Variants in EFCAB11 observed in about 807,000 individuals in gnomAD.
EFCAB11 encodes the protein EF-hand calcium binding domain 11.
Under a neutral mutation model 23.0 loss-of-function variants are expected in EFCAB11, and 14 were observed. That is an observed-to-expected ratio of 0.61 (90% CI 0.40 to 0.95). The LOEUF (loss-of-function observed/expected upper bound fraction) is 0.95. Among genes scored for constraint, EFCAB11 ranks in the 40% least tolerant of loss-of-function variants. The pLI is 0.00. For synonymous variants in EFCAB11, 65 were observed against 66.6 expected (o/e 0.98, Z 0.11); for missense variants, 198 against 195.8 (o/e 1.01, Z -0.07).
intron 5 of EFCAB11, among the ~76,000 whole-genome samples, chr14:89,916,214 G>T (rs923668199): frequency 6.9e-5 from 10 of 143,988 alleles, no homozygotes; most frequent in African/African-American, 2.9e-4. Flanking sequence ...AGTTGTCTAT[G>T]AGAAGTACAT....
intron 5 of EFCAB11, among the ~76,000 whole-genome samples, chr14:89,860,319 G>T (rs747060403): frequency 6.6e-6 from 1 of 152,062 alleles, no homozygotes; most frequent in Non-Finnish European, 1.5e-5. Flanking sequence ...AGCCGAGATC[G>T]CACCATTGCA....
At chr14:89,938,048 G>T (rs1890651789) in intron 3 of EFCAB11, 1 of 152,096 alleles carries the variant, frequency 6.6e-6, no homozygotes, top group Admixed American at 6.6e-5. Context: ...ATTAAGTATA[G>T]TTTTTTGTGG....
intron 5 of EFCAB11, among the ~76,000 whole-genome samples, chr14:89,804,422 C>T (rs988813201): frequency 1.3e-5 from 2 of 152,222 alleles, no homozygotes; most frequent in Non-Finnish European, 2.9e-5. Context: ...CCAAGCTTTA[C>T]GTAGACAACT....
intron 5 of EFCAB11, among the ~76,000 whole-genome samples, chr14:89,922,909 T>C (rs534507288): frequency 5.3e-5 from 8 of 152,194 alleles, no homozygotes; most frequent in Non-Finnish European, 1.2e-4. Flanking sequence ...GGGCCGGCTT[T>C]CAAGATAAGA....
At chr14:89,888,901 T>A (rs1312013460) in intron 5 of EFCAB11, among the ~76,000 whole-genome samples, 1 of 152,208 alleles carries the variant, frequency 6.6e-6, no homozygotes, top group African/African-American at 2.4e-5. Context: ...TATAAAACCA[T>A]GGCGCTGTGA....
chr14:89,827,628 C>CTTT lies in EFCAB11; in HGVS notation c.411-30307_411-30305dup, dbSNP rs36007256. Among the ~76,000 whole-genome samples, 336 of 105,052 alleles carry CTTT rather than the reference C, an allele frequency of 3.2e-3. 1 individual carries two copies. Among genetic ancestry groups the CTTT allele is most frequent in the East Asian group, 7.7e-3 (22 of 2,860 alleles). 68.9% of individuals were successfully genotyped at this position (105,052 alleles called of 152,430 possible). A position where few individuals can be genotyped will look rare whatever the true frequency, so the allele number is the denominator to read the frequency against. On this transcript the variant is annotated intron_variant, in intron 5 of 5. Transcript: ENST00000316738. ...GTTTCATGAAGCAATTTTATTCACT[C>CTTT]TTTTTTTTTTTTTTTTTTTTTTGAG...
chr14:89,895,738 A>G (rs1889131844), intron 5 of EFCAB11, among the ~76,000 whole-genome samples: 1 of 152,226 alleles, frequency 6.6e-6, no homozygotes, highest in African/African-American at 2.4e-5. Context: ...TTTGGGGGTA[A>G]TGAAGGGTTT....
chr14:89,918,538 C>CA lies in EFCAB11; in HGVS notation c.410+13002dup, dbSNP rs550019506. 9.4e-3 allele frequency among the ~76,000 whole-genome samples: 955 copies of CA among 101,784 alleles called. 5 individuals are homozygous for CA. Among genetic ancestry groups the CA allele is most frequent in the South Asian group, 0.037 (119 of 3,232 alleles). The allele number at this position is 101,784 out of a possible 152,430, so 66.8% of individuals were successfully genotyped here. A position where few individuals can be genotyped will look rare whatever the true frequency, so the allele number is the denominator to read the frequency against. On this transcript the variant is annotated intron_variant, in intron 5 of 5. Coordinates refer to ENST00000316738, the MANE Select transcript of EFCAB11 (RefSeq NM_145231.4). ...TGGGCAACAGAGCGAGACTCCATCT[C>CA]AAAAAAAAAAAAAGAAGAAGAAGAA... is the stretch of plus-strand genomic sequence containing the variant.
intron 3 of EFCAB11, among the ~76,000 whole-genome samples, chr14:89,945,975 G>A (rs370108240): frequency 6.7e-6 from 1 of 148,758 alleles, no homozygotes; most frequent in African/African-American, 2.5e-5. Context: ...CTGGAGTGCC[G>A]TGATGCAATC....
chr14:89,881,383 C>A (rs1888590802), intron 5 of EFCAB11, among the ~76,000 whole-genome samples: 4 of 138,126 alleles, frequency 2.9e-5, no homozygotes, highest in Admixed American at 2.3e-4. Flanking sequence ...CACTCTCTAC[C>A]CATCAATAAA....
In EFCAB11 at chr14:89,892,325, G is replaced by A. The variant is rs542835427; in HGVS notation, c.410+39216C>T. On this transcript the variant is annotated intron_variant, in intron 5 of 5. Coordinates refer to ENST00000316738, the MANE Select transcript of EFCAB11 (RefSeq NM_145231.4). ...CGCCCTCACTGATGCTATCCAGCAG[G>A]CCCTGCAGCAGGGGGACATCAAGCT... The A allele has an allele frequency of 2.9e-5, 47 of 1,613,838 alleles. No individual in the cohort carries two copies. In the East Asian group the frequency reaches 6.7e-4, roughly 23 times the overall value.
chr14:89,904,928 G>A (rs1889449704), intron 5 of EFCAB11, among the ~76,000 whole-genome samples: 1 of 152,060 alleles, frequency 6.6e-6, no homozygotes, highest in Non-Finnish European at 1.5e-5. Context: ...ATCCTTTGTT[G>A]GGGGTGGTCA....
At chr14:89,915,610 C>A (rs1889816758) in intron 5 of EFCAB11, among the ~76,000 whole-genome samples, 1 of 152,194 alleles carries the variant, frequency 6.6e-6, no homozygotes, top group East Asian at 1.9e-4. Context: ...CTTTGTCAGT[C>A]AAATAAATAA....
chr14:89,907,719 G>A (rs1441226984), intron 5 of EFCAB11, among the ~76,000 whole-genome samples: 1 of 152,110 alleles, frequency 6.6e-6, no homozygotes, highest in African/African-American at 2.4e-5. Context: ...GTACACCTGT[G>A]GGGAGAGAGA....
rs375808868 is a variant in EFCAB11 at position 89,878,601 on chromosome 14, A to T, written c.410+52940T>A. ...ATATATTTTCTCAAAATATTCAATT[A>T]TATGAATGTCTAAATATATCTTCAC... On this transcript the variant is annotated intron_variant, in intron 5 of 5. Coordinates refer to ENST00000316738, the MANE Select transcript of EFCAB11 (RefSeq NM_145231.4). 4.7e-4 allele frequency among the ~76,000 whole-genome samples: 72 copies of T among 152,290 alleles called. No homozygotes were observed. The South Asian group carries it at 0.014, about 29-fold the overall frequency.
rs182504825 is a variant in EFCAB11, at chr14:89,870,415, C to T, written c.410+61126G>A. On this transcript the variant is annotated intron_variant, in intron 5 of 5. Transcript: ENST00000316738. ...ACAGGGCTTTTACGGGAAGACACTA[C>T]CCTCCACTCTACTAAAGCCATATAA... Among the ~76,000 whole-genome samples the T allele has an allele frequency of 2.0e-3, 307 of 152,186 alleles. 1 individual carries two copies. Among genetic ancestry groups the T allele is most frequent in the African/African-American group, 7.0e-3 (291 of 41,526 alleles).
intron 5 of EFCAB11, among the ~76,000 whole-genome samples, chr14:89,815,096 C>T (rs902164035): frequency 6.6e-6 from 1 of 152,118 alleles, no homozygotes; most frequent in Non-Finnish European, 1.5e-5. Flanking sequence ...TTTTCACAGT[C>T]ACGCAGAATT....
At chr14:89,906,235 C>A (rs1240263314) in intron 5 of EFCAB11, among the ~76,000 whole-genome samples, 2 of 151,288 alleles carry the variant, frequency 1.3e-5, no homozygotes, top group African/African-American at 2.4e-5. Flanking sequence ...GGTAACTTTC[C>A]CCATCATCAT....
chr14:89,897,352 T>A (rs562058696), intron 5 of EFCAB11, among the ~76,000 whole-genome samples: 65 of 151,940 alleles, frequency 4.3e-4, no homozygotes, highest in African/African-American at 1.5e-3. Flanking sequence ...AGACTACAGG[T>A]GCATGCCACC....
Sources: allele counts gnomAD v4.1 joint callset (sites outside exome capture counted in the v4.1 genomes callset), GRCh38; gene constraint gnomAD v4.1.1; transcripts MANE v1.5; gene names NCBI Gene and HGNC (gene_info 2026-07-23, HGNC 2026-07-21).